TG: variants seen among roughly 807,000 people sequenced by gnomAD.
TG encodes the protein thyroglobulin.
In TG, 270 loss-of-function variants were observed where a neutral mutation model predicts 324.7. That is an observed-to-expected ratio of 0.83 (90% CI 0.75 to 0.92). The LOEUF is 0.92. Ranked by LOEUF, TG falls within the 40% of genes least tolerant of loss-of-function variation. TG has a pLI of 0.00. For missense variants in TG, 3,591 were observed against 3,456.4 expected (o/e 1.04, Z -0.98); for synonymous variants, 1,401 against 1,327.0 (o/e 1.06, Z -1.21).
chr8:132,936,965 G>C (rs980883641), intron 25 of TG, among the ~76,000 whole-genome samples: 1 of 152,190 alleles, frequency 6.6e-6, no homozygotes, highest in Non-Finnish European at 1.5e-5. Context: ...CTCAGCTTCA[G>C]TTTCCTCCTT....
chr8:132,983,545 T>A, intron 35 of TG, 133 bp downstream of exon 35: 1 of 908,704 alleles, frequency 1.1e-6, no homozygotes, highest in Non-Finnish European at 1.8e-6. Context: ...TCCTATGAAT[T>A]AAACACATGT....
At chr8:133,121,976 C>G (rs547114013) in intron 45 of TG, among the ~76,000 whole-genome samples, 3 of 152,292 alleles carry the variant, frequency 2.0e-5, no homozygotes, top group African/African-American at 4.8e-5. Flanking sequence ...CTCTCTCTCT[C>G]TCTGCCCCGG....
At chr8:132,879,914 G>T (rs1363327568) in intron 5 of TG, among the ~76,000 whole-genome samples, 2 of 152,242 alleles carry the variant, frequency 1.3e-5, no homozygotes, top group African/African-American at 4.8e-5. Flanking sequence ...GGATGTTGAG[G>T]TGGGTCTCTG....
chr8:133,100,942 T>C (rs1478393162), intron 43 of TG, among the ~76,000 whole-genome samples: 2 of 149,872 alleles, frequency 1.3e-5, no homozygotes, highest in African/African-American at 5.0e-5. Flanking sequence ...TAGGGAACCA[T>C]GAACCAGTAT....
intron 41 of TG, among the ~76,000 whole-genome samples, chr8:133,045,673 G>T (rs1839235279): frequency 6.6e-6 from 1 of 152,126 alleles, no homozygotes; most frequent in South Asian, 2.1e-4. Context: ...GGGATTACAG[G>T]CCTGAGCTAC....
chr8:132,899,802 A>G (rs1817657706), intron 14 of TG, among the ~76,000 whole-genome samples: 1 of 152,248 alleles, frequency 6.6e-6, no homozygotes, highest in South Asian at 2.1e-4. Context: ...AGGCGCTCTG[A>G]GGTGTGGTTT....
intron 41 of TG, among the ~76,000 whole-genome samples, chr8:133,077,511 G>A (rs1845078986): frequency 6.6e-6 from 1 of 152,170 alleles, no homozygotes; most frequent in South Asian, 2.1e-4. Flanking sequence ...TTGAGAAAGT[G>A]TTCCTCATAC....
rs1305470063 is a variant in TG at position 133,047,623 on chromosome 8, C to T, written c.7239+17600C>T. 14 of 585,400 alleles carry T rather than the reference C, an allele frequency of 2.4e-5. No homozygotes were observed. The South Asian group carries it at 2.7e-4, about 11-fold the overall frequency. The allele number at this position is 585,400 out of a possible 1,614,324, so 36.3% of individuals were successfully genotyped here. ...GATGTTGGCCAGGCCCGTGGCAGTG[C>T]CCAGCCGGCTCCCCACTGCCTGTCT... On this transcript the variant is annotated intron_variant, in intron 41 of 47. Transcript: ENST00000220616.
chr8:132,874,570 G>C (rs1839789009), intron 5 of TG, among the ~76,000 whole-genome samples: 1 of 152,188 alleles, frequency 6.6e-6, no homozygotes, highest in Admixed American at 6.5e-5. Context: ...TTCTTTCCAT[G>C]TGTGAGGGAG....
At chr8:133,049,998 C>T in intron 41 of TG, 1 of 1,587,000 alleles carries the variant, frequency 6.3e-7, no homozygotes, top group Non-Finnish European at 8.7e-7. Context: ...ACTGTAAGAA[C>T]AAGAACAGAG....
rs370476341 is a variant in TG at position 132,933,601 on chromosome 8, C to T, written c.4857C>T (p.Ser1619=). The T allele has an allele frequency of 7.4e-5, 119 of 1,614,090 alleles. No individual in the cohort carries two copies. Among genetic ancestry groups the T allele is most frequent in the Middle Eastern group, 6.6e-4 (4 of 6,062 alleles). The change falls in exon 24 of 48, where the codon TCC becomes TCT. Residue 1619 remains serine, a synonymous_variant. Transcript: ENST00000220616. ...EDEACSFFTV[S]TTEPEISCDF... ...AGGCCTGCAGCTTCTTCACCGTGTC[C>T]ACGACGGAGCCAGAGATTTCCTGTG...
rs1482108404 is a variant in TG, at chr8:132,893,802, G to T, written c.2874G>T (p.Leu958=). 18 of 1,613,902 alleles carry T rather than the reference G, an allele frequency of 1.1e-5. No homozygotes were observed. Among genetic ancestry groups the T allele is most frequent in the Admixed American group, 5.0e-5 (3 of 59,990 alleles). The change falls in exon 11 of 48, where the codon CTG becomes CTT. Residue 958 remains leucine (L), a synonymous_variant. Transcript: ENST00000220616. ...GGTTCCCTCTGGGGGAGAGTTTCCTGGTGGCCAAGGGAATCCGGCTGAGGA... is the reference window on the plus strand; with the variant it reads ...GGTTCCCTCTGGGGGAGAGTTTCCTTGTGGCCAAGGGAATCCGGCTGAGGA... ...SSRFPLGESF[L]VAKGIRLRNE...
Position 132,935,737 on chromosome 8 carries a change from A to G in TG, c.4933-19A>G. On this transcript the variant is annotated intron_variant, in intron 24 of 47. Transcript: ENST00000220616. ...ATAAAGTATTGCAGGATAATAATGC[A>G]GCATCTTTCCATCTCCAGAAACGAG... 1 of 1,591,148 alleles carries G rather than the reference A, an allele frequency of 6.3e-7. No individual in the cohort carries two copies. Among genetic ancestry groups the G allele is most frequent in the East Asian group, 2.2e-5 (1 of 44,770 alleles).
At chr8:132,966,789 C>A (rs1327980291) in intron 30 of TG, 92 bp downstream of exon 30, 8 of 1,523,080 alleles carry the variant, frequency 5.3e-6, no homozygotes, top group Non-Finnish European at 4.5e-6. Context: ...ACAGATAAGG[C>A]CAAATTTTGT....
At chr8:132,914,059 G>A (rs578073798) in intron 20 of TG, among the ~76,000 whole-genome samples, 1 of 152,264 alleles carries the variant, frequency 6.6e-6, no homozygotes, top group Admixed American at 6.5e-5. Flanking sequence ...CATCTCCTCT[G>A]ACTCTCTTTT....
chr8:132,935,899 G>A lies in TG; in HGVS notation c.5041+35G>A, dbSNP rs1386174103. On this transcript the variant is annotated intron_variant, in intron 25 of 47. Transcript: ENST00000220616. ...TCAGGCTGGTTGGCTTAGGCCCGCG[G>A]TGGCTTCACACGGTCATGTTTGGAG... The A allele has an allele frequency of 1.9e-6, 3 of 1,553,170 alleles. No individual in the cohort carries two copies. The African/African-American group carries it at 4.1e-5, about 21-fold the overall frequency.
intron 35 of TG, among the ~76,000 whole-genome samples, chr8:133,009,380 C>A (rs6981042): frequency 6.6e-6 from 1 of 151,850 alleles, no homozygotes; most frequent in Admixed American, 6.6e-5. Context: ...CAGGTCCCAA[C>A]TTCAGGAAGA....
Position 132,913,284 on chromosome 8 carries a change from T to G in TG, c.4378+19T>G. The G allele has an allele frequency of 6.2e-7, 1 of 1,611,660 alleles. No homozygotes were observed. Among genetic ancestry groups the G allele is most frequent in the Non-Finnish European group, 8.5e-7 (1 of 1,178,368 alleles). ...GGATGCGGTAGGTCCACTCTCTCCCTGGATATCTCCTGTGGAGCCATGTGA... is the reference window on the plus strand; with the variant it reads ...GGATGCGGTAGGTCCACTCTCTCCCGGGATATCTCCTGTGGAGCCATGTGA... On this transcript the variant is annotated intron_variant, in intron 20 of 47. Transcript: ENST00000220616.
intron 40 of TG, among the ~76,000 whole-genome samples, chr8:133,024,160 C>T (rs1158637025): frequency 6.6e-6 from 1 of 152,228 alleles, no homozygotes; most frequent in South Asian, 2.1e-4. Context: ...CAAGTGGCAT[C>T]CTGTGCCTTC....
Sources: gnomAD v4.1 joint callset for allele counts (sites outside exome capture counted in the v4.1 genomes callset) on GRCh38, gnomAD v4.1.1 for gene constraint, MANE v1.5 for transcripts, NCBI Gene and HGNC (gene_info 2026-07-23, HGNC 2026-07-21) for gene names.